TMEM179B: variants seen among roughly 807,000 people sequenced by gnomAD.
The protein encoded by TMEM179B is transmembrane protein 179B.
In TMEM179B, 13 loss-of-function variants were observed where a neutral mutation model predicts 18.0. That is an observed-to-expected ratio of 0.72 (90% confidence interval 0.47 to 1.15). The LOEUF (loss-of-function observed/expected upper bound fraction) is 1.15. Among genes scored for constraint, TMEM179B ranks in the 50% most tolerant of loss-of-function variants. The pLI is 0.00. For missense variants in TMEM179B, 320 were observed against 270.6 expected, an observed-to-expected ratio of 1.18 and a Z score of -1.28; for synonymous variants, 159 against 117.5, an observed-to-expected ratio of 1.35 and a Z score of -2.29.
rs1224699081 is a variant in TMEM179B, at chr11:62,790,160, T to TG, written c.*120dup. The TG allele has an allele frequency of 3.8e-5, 26 of 681,626 alleles. No homozygotes were observed. The highest frequency in any genetic ancestry group is 4.8e-4 in the Middle Eastern group (1 of 2,094). 42.2% of individuals were successfully genotyped at this position (681,626 alleles called of 1,614,324 possible). On this transcript the variant is annotated 3_prime_UTR_variant, in exon 5 of 5. Coordinates refer to ENST00000333449, the MANE Select transcript of TMEM179B (RefSeq NM_199337.3). ...TCTTAGTTTTCCTTTCGTTGGGGGG[T>TG]GGGGGGGAAACATAATGACAGGCCC...
chr11:62,788,903 G>A lies in TMEM179B; in HGVS notation c.97-120G>A, dbSNP rs572615034. 4.5e-6 allele frequency: 5 copies of A among 1,104,724 alleles called. No individual in the cohort carries two copies. In the South Asian group the frequency reaches 4.9e-5, roughly 11 times the overall value. The allele number at this position is 1,104,724 out of a possible 1,614,324, so 68.4% of individuals were successfully genotyped here. ...CCCTGTCCCAGAAATAGGAATTGAC[G>A]GTGCACAAATAACTTCCTGGAATGC... On this transcript the variant is annotated intron_variant, in intron 1 of 4. Transcript: ENST00000333449.
At chr11:62,788,016 G>A (rs2084308952) in intron 1 of TMEM179B, 2 of 459,396 alleles carry the variant, frequency 4.4e-6, no homozygotes, top group Non-Finnish European at 8.7e-6. Context: ...AATTTACATC[G>A]TTTACCCCAG....
At chr11:62,789,863 G>C (rs537245629) in intron 4 of TMEM179B, 23 bp from the exon 5 acceptor site, 3 of 1,607,048 alleles carry the variant, frequency 1.9e-6, no homozygotes, top group Non-Finnish European at 2.6e-6. Context: ...CACTCCTGAC[G>C]ATCCTGTCCC....
rs2084343338 is a variant in TMEM179B, at chr11:62,790,184, C to T, written c.*137C>T. On this transcript the variant is annotated 3_prime_UTR_variant, in exon 5 of 5. Transcript: ENST00000333449. The stretch of plus-strand genomic sequence containing the variant: ...GTGGGGGGGAAACATAATGACAGGC[C>T]CCCCTCCACCTCTTCCTGCAGCTGT... The T allele has an allele frequency of 4.4e-6, 4 of 908,602 alleles. No individual in the cohort carries two copies. The highest frequency in any genetic ancestry group is 3.4e-5 in the African/African-American group (2 of 59,384). 56.3% of individuals were successfully genotyped at this position (908,602 alleles called of 1,614,324 possible). A position where few individuals can be genotyped will look rare whatever the true frequency, so the allele number is the denominator to read the frequency against.
rs74575252 is a variant in TMEM179B, at chr11:62,787,669, G to C, written c.96+142G>C. Reference sequence around the variant, plus strand: ...GCACGGCTGGCGCCGGCCTGTACCTGAAATGCAGCGAGGCTAATCGCGCTT... The same window carrying C: ...GCACGGCTGGCGCCGGCCTGTACCTCAAATGCAGCGAGGCTAATCGCGCTT... On this transcript the variant is annotated intron_variant, in intron 1 of 4. Coordinates refer to ENST00000333449, the MANE Select transcript of TMEM179B (RefSeq NM_199337.3). The C allele has an allele frequency of 3.4e-3, 3,802 of 1,111,734 alleles. 78 individuals are homozygous for C. The African/African-American group carries it at 0.051, about 15-fold the overall frequency. The allele number at this position is 1,111,734 out of a possible 1,614,324, so 68.9% of individuals were successfully genotyped here.
chr11:62,789,299 AT>A lies in TMEM179B; in HGVS notation c.293del (p.Ile98LysfsTer12), dbSNP rs770835980. ...TTGTTCTCTCCCTTTCAGAGGTGCT[AT>A]AGGGCTGCGCATTGCACTGGCCATC... ...SCIEDSHRGA[I>X]GLRIALAISA... On this transcript the variant is annotated frameshift_variant, in exon 3 of 5. Coordinates refer to ENST00000333449, the MANE Select transcript of TMEM179B (RefSeq NM_199337.3). LOFTEE classifies it high-confidence loss of function. The A allele has an allele frequency of 2.5e-6, 4 of 1,613,902 alleles. No homozygotes were observed. Among genetic ancestry groups the A allele is most frequent in the Non-Finnish European group, 3.4e-6 (4 of 1,179,978 alleles).
At chr11:62,787,614 C>G in intron 1 of TMEM179B, 87 bp downstream of exon 1, 1 of 1,425,214 alleles carries the variant, frequency 7.0e-7, no homozygotes, top group East Asian at 2.5e-5. Context: ...ACCGGGCTTG[C>G]TGCTGCTCGG....
rs201135116 is a variant in TMEM179B at position 62,789,155 on chromosome 11, T to G, written c.229T>G (p.Cys77Gly). The G allele has an allele frequency of 6.2e-7, 1 of 1,614,182 alleles. No homozygotes were observed. Among genetic ancestry groups the G allele is most frequent in the South Asian group, 1.1e-5 (1 of 91,088 alleles). Residue 77 changes from cysteine to glycine, a missense_variant, in exon 2 of 5, where the codon TGC (cysteine) becomes GGC (glycine). By Grantham distance (159) the Cys-to-Gly change is radical. Transcript: ENST00000333449. ...AGASGLLALY[C>G]LLLLLFWIYS... ...GGCCTCTGGCCTCTTGGCCCTCTAC[T>G]GCCTCCTGCTTTTGCTCTTCTGGAT...
Position 62,790,208 on chromosome 11 carries a change from G to A in TMEM179B, c.*161G>A. ...CCCCCCTCCACCTCTTCCTGCAGCTGTTTTTGTACCAAAATATTATATTAC... is the reference window on the plus strand; with the variant it reads ...CCCCCCTCCACCTCTTCCTGCAGCTATTTTTGTACCAAAATATTATATTAC... On this transcript the variant is annotated 3_prime_UTR_variant, in exon 5 of 5. Coordinates refer to ENST00000333449, the MANE Select transcript of TMEM179B (RefSeq NM_199337.3). The A allele has an allele frequency of 1.3e-6, 1 of 770,034 alleles. No homozygotes were observed. 47.7% of individuals were successfully genotyped at this position (770,034 alleles called of 1,614,324 possible). A position where few individuals can be genotyped will look rare whatever the true frequency, so the allele number is the denominator to read the frequency against.
At position 62,788,882 on chromosome 11, in the gene TMEM179B, G is replaced by A. The variant is rs926063179; in HGVS notation, c.97-141G>A. The A allele has an allele frequency of 4.3e-6, 4 of 939,400 alleles. No homozygotes were observed. In the East Asian group the frequency reaches 7.5e-5, roughly 18 times the overall value. 58.2% of individuals were successfully genotyped at this position (939,400 alleles called of 1,614,324 possible). A position where few individuals can be genotyped will look rare whatever the true frequency, so the allele number is the denominator to read the frequency against. On this transcript the variant is annotated intron_variant, in intron 1 of 4. Transcript: ENST00000333449. The stretch of plus-strand genomic sequence containing the variant: ...GCAGGCCCTCTCCATCAATATCCCT[G>A]TCCCAGAAATAGGAATTGACGGTGC...
intron 1 of TMEM179B, among the ~76,000 whole-genome samples, chr11:62,788,763 G>C (rs1320638868): frequency 3.3e-5 from 5 of 151,622 alleles, no homozygotes; most frequent in Non-Finnish European, 5.9e-5. Flanking sequence ...TCTGCACAGA[G>C]ACCATAACTT....
chr11:62,789,588 T>C lies in TMEM179B; in HGVS notation c.420-13T>C, dbSNP rs1383635487. The C allele has an allele frequency of 6.5e-7, 1 of 1,549,818 alleles. No individual in the cohort carries two copies. Among genetic ancestry groups the C allele is most frequent in the East Asian group, 2.2e-5 (1 of 44,490 alleles). On this transcript the variant is annotated splice_polypyrimidine_tract_variant and intron_variant, in intron 3 of 4. Transcript: ENST00000333449. ...TATCACGCTTTCTCACAACTGTCTC[T>C]TTGACCTCACAGCTGTTCTGAAGCC...
intron 1 of TMEM179B, chr11:62,787,738 G>C (rs1379588887): frequency 1.5e-6 from 1 of 682,718 alleles, no homozygotes; most frequent in African/African-American, 1.8e-5. Context: ...TTGTCCCCTC[G>C]CCAAAGGGAC....
chr11:62,787,726 A>G, intron 1 of TMEM179B, 199 bp downstream of exon 1: 1 of 724,240 alleles, frequency 1.4e-6, no homozygotes. Flanking sequence ...CATACTTCGA[A>G]GTTGTCCCCT....
chr11:62,787,677 G>C, intron 1 of TMEM179B, 150 bp downstream of exon 1: 1 of 1,065,356 alleles, frequency 9.4e-7, no homozygotes, highest in East Asian at 2.6e-5. Context: ...CTGAAATGCA[G>C]CGAGGCTAAT....
chr11:62,787,493 G>A lies in TMEM179B; in HGVS notation c.62G>A (p.Gly21Glu). The change falls in exon 1 of 5, where the codon GGG (glycine) becomes GAG (glutamate). Residue 21 changes from glycine to glutamate, a missense_variant. Gly to Glu is a moderately conservative substitution (Grantham distance 98). Coordinates refer to ENST00000333449, the MANE Select transcript of TMEM179B (RefSeq NM_199337.3). ...CTCTTTGCTGCCGCCTTCCTGTGCG[G>A]GGCCGTGGCGGCCGCGGCGATGACT... ...LALFAAAFLC[G>E]AVAAAAMTRT... The A allele has an allele frequency of 1.3e-6, 2 of 1,579,388 alleles. No homozygotes were observed. Among genetic ancestry groups the A allele is most frequent in the East Asian group, 2.3e-5 (1 of 43,660 alleles).
In TMEM179B at chr11:62,790,114, A is replaced by T; in HGVS notation, c.*67A>T. 6.0e-6 allele frequency: 8 copies of T among 1,337,308 alleles called. No individual in the cohort carries two copies. The highest frequency in any genetic ancestry group is 1.5e-5 in the African/African-American group (1 of 64,714). 82.8% of individuals were successfully genotyped at this position (1,337,308 alleles called of 1,614,324 possible). ...CAAGTGCCTGTAATCCCCCCCCTCA[A>T]GGCCCTGTTTATGTTGGGAGTCTTA... On this transcript the variant is annotated 3_prime_UTR_variant, in exon 5 of 5. Transcript: ENST00000333449.
intron 3 of TMEM179B, 70 bp from the exon 4 acceptor site, chr11:62,789,531 G>C (rs898636781): frequency 2.2e-5 from 34 of 1,580,060 alleles, no homozygotes; most frequent in Non-Finnish European, 2.9e-5. Flanking sequence ...AACTCACAGG[G>C]CACTGGGCAC....
At chr11:62,787,687 T>G in intron 1 of TMEM179B, 160 bp downstream of exon 1, 1 of 963,438 alleles carries the variant, frequency 1.0e-6, no homozygotes, top group South Asian at 1.7e-5. Flanking sequence ...GCGAGGCTAA[T>G]CGCGCTTTGT....
Sources: allele counts gnomAD v4.1 joint callset (sites outside exome capture counted in the v4.1 genomes callset), GRCh38; gene constraint gnomAD v4.1.1; transcripts MANE v1.5; gene names NCBI Gene and HGNC (gene_info 2026-07-23, HGNC 2026-07-21).